Variants in MIDN observed in about 807,000 individuals in gnomAD.
MIDN encodes midbrain nucleolar protein.
In MIDN, 26 loss-of-function variants were observed where a neutral mutation model predicts 46.1. That is an observed-to-expected ratio of 0.56 (90% confidence interval 0.41 to 0.78). MIDN has a LOEUF of 0.78. Among genes scored for constraint, MIDN ranks in the 30% least tolerant of loss-of-function variants. The pLI is 0.00. For missense variants in MIDN, 850 were observed against 771.8 expected (o/e 1.10, Z -1.20); for synonymous variants, 432 against 343.3 (o/e 1.26, Z -2.86).
rs777305751 is a variant in MIDN at position 1,255,381 on chromosome 19, CTG to C, written c.986-38_986-37del. The C allele has an allele frequency of 2.4e-5, 37 of 1,539,364 alleles. No homozygotes were observed. In the South Asian group the frequency reaches 4.1e-4, roughly 17 times the overall value. The stretch of plus-strand genomic sequence containing the variant: ...GGACGCCCGTCCTGGACATGCGGGA[CTG>C]TGCCCGTGCCGGGCACTCACGGCCA... On this transcript the variant is annotated intron_variant, in intron 7 of 8. Coordinates refer to ENST00000682408, the MANE Select transcript of MIDN (RefSeq NM_001388306.1).
chr19:1,254,446 C>T lies in MIDN; in HGVS notation c.793C>T (p.Arg265Trp), dbSNP rs1339718301. 5 of 1,563,478 alleles carry T rather than the reference C, an allele frequency of 3.2e-6. No individual in the cohort carries two copies. The highest frequency in any genetic ancestry group is 1.3e-5 in the African/African-American group (1 of 74,252). Residue 265 changes from arginine (R) to tryptophan (W), a missense_variant, in exon 6 of 9, where the codon CGG (arginine) becomes TGG (tryptophan). Arg to Trp is a moderately radical substitution (Grantham distance 101, BLOSUM62 -3). Transcript: ENST00000682408. ...SPSPITAGSF[R>W]SHAASTTCPE... Reference sequence around the variant, plus strand: ...CTCGCCCATCACAGCCGGCTCCTTCCGGTCCCACGCAGCCTCCACCACCTG... The same window carrying T: ...CTCGCCCATCACAGCCGGCTCCTTCTGGTCCCACGCAGCCTCCACCACCTG...
rs377245188 is a variant in MIDN at position 1,254,377 on chromosome 19, G to A, written c.724G>A (p.Ala242Thr). ...GCCCTGCCGGCCGGTGTCCAGTGCC[G>A]CCCGAGTCCCCCCGGTGCCCACCAG... ...SSPCRPVSSAARVPPVPTSPS... is the reference protein window; with the variant it reads ...SSPCRPVSSATRVPPVPTSPS... Residue 242 changes from alanine to threonine, a missense_variant, in exon 6 of 9, where the codon GCC becomes ACC. Transcript: ENST00000682408. 1.7e-4 allele frequency: 258 copies of A among 1,561,142 alleles called. 2 individuals are homozygous for A. Among genetic ancestry groups the A allele is most frequent in the Admixed American group, 2.4e-4 (13 of 55,294 alleles).
rs555234198 is a variant in MIDN, at chr19:1,250,901, C to G, written c.233+372C>G. Among the ~76,000 whole-genome samples, 379 of 152,058 alleles carry G rather than the reference C, an allele frequency of 2.5e-3. 7 individuals are homozygous for G. Among genetic ancestry groups the G allele is most frequent in the Non-Finnish European group, 1.9e-3 (131 of 67,896 alleles). On this transcript the variant is annotated intron_variant, in intron 2 of 8. Transcript: ENST00000682408. ...CTCCTCTGCGTCTGGCTGTCTCCCC[C>G]CACTTGCGTCTCTCTCCCCCCCTTT...
chr19:1,257,498 CT>C lies in MIDN; in HGVS notation c.*228del. 1 of 506,598 alleles carries C rather than the reference CT, an allele frequency of 2.0e-6. No homozygotes were observed. 31.4% of individuals were successfully genotyped at this position (506,598 alleles called of 1,614,324 possible). ...GGCTTTGCTTCCTACCTCCTTCACC[CT>C]TCACTCCTGCCCTCCTCTTCCTCCT... On this transcript the variant is annotated 3_prime_UTR_variant, in exon 9 of 9. Coordinates refer to ENST00000682408, the MANE Select transcript of MIDN (RefSeq NM_001388306.1).
At chr19:1,252,058 C>G (rs367802043) in intron 4 of MIDN, among the ~76,000 whole-genome samples, 157 bp downstream of exon 4, 1 of 151,842 alleles carries the variant, frequency 6.6e-6, no homozygotes, top group Non-Finnish European at 1.5e-5. Flanking sequence ...GGCCTCCCCA[C>G]CTCCTCTCCC....
intron 4 of MIDN, among the ~76,000 whole-genome samples, chr19:1,253,342 A>AGGAGAGCCGGGAG (rs1373591627): frequency 6.6e-6 from 1 of 151,560 alleles, no homozygotes; most frequent in Non-Finnish European, 1.5e-5. Context: ...GCCAGTGGAG[A>AGGAGAGCCGGGAG]GGAGAGCCGG....
At chr19:1,256,836 C>T (rs892214940) in intron 8 of MIDN, among the ~76,000 whole-genome samples, 159 bp from the exon 9 acceptor site, 10 of 152,156 alleles carry the variant, frequency 6.6e-5, no homozygotes, top group African/African-American at 2.4e-4. Context: ...ACCACTGTGC[C>T]CGGCATGGTG....
intron 1 of MIDN, among the ~76,000 whole-genome samples, chr19:1,249,000 G>A (rs1482587531): frequency 1.3e-5 from 2 of 151,922 alleles, no homozygotes; most frequent in African/African-American, 4.8e-5. Flanking sequence ...CAGCCCAGTC[G>A]TCTTCCTCCC....
intron 4 of MIDN, among the ~76,000 whole-genome samples, chr19:1,252,779 G>A (rs1433520675): frequency 1.3e-5 from 2 of 152,066 alleles, no homozygotes; most frequent in African/African-American, 4.8e-5. Flanking sequence ...GTAGAGTCCT[G>A]CCCTTTCCCT....
rs2081233071 is a variant in MIDN, at chr19:1,258,808, A to T, written c.*1536A>T. The T allele has an allele frequency of 6.6e-6, 1 of 152,090 alleles. No individual in the cohort carries two copies. The highest frequency in any genetic ancestry group is 1.5e-5 in the Non-Finnish European group (1 of 68,002). The allele number at this position is 152,090 out of a possible 1,614,324, so 9.4% of individuals were successfully genotyped here. ...TCATTTTTCCAAAAAAAAAAGAAAA[A>T]AAAATAGAAAAAAAAGGAGTAAAAG... On this transcript the variant is annotated 3_prime_UTR_variant, in exon 9 of 9. Transcript: ENST00000682408.
chr19:1,251,776 C>A (rs2081131819), intron 3 of MIDN, 63 bp from the exon 4 acceptor site: 4 of 1,560,500 alleles, frequency 2.6e-6, no homozygotes, highest in African/African-American at 2.7e-5. Flanking sequence ...GCCCTCTCCA[C>A]CCCCTATTCC....
intron 4 of MIDN, 65 bp from the exon 5 acceptor site, chr19:1,253,889 T>C: frequency 7.5e-7 from 1 of 1,331,604 alleles, no homozygotes. Context: ...AGTTTCCCCT[T>C]GCAAGACCGA....
At chr19:1,254,113 G>A in intron 5 of MIDN, 31 bp downstream of exon 5, 1 of 1,553,116 alleles carries the variant, frequency 6.4e-7, no homozygotes. Context: ...GGCCGGGCTG[G>A]GCTGGGGGCG....
Position 1,251,495 on chromosome 19 carries a change from G to A in MIDN, c.234-67G>A, listed in dbSNP as rs989026377. ...CCCCACACAAGCACAGCCCTCCCCC[G>A]CGGCCTCTGCTTCCGCGTCCCTGTG... On this transcript the variant is annotated intron_variant, in intron 2 of 8. Coordinates refer to ENST00000682408, the MANE Select transcript of MIDN (RefSeq NM_001388306.1). 1.8e-5 allele frequency: 26 copies of A among 1,440,266 alleles called. No homozygotes were observed. The African/African-American group carries it at 3.7e-4, about 21-fold the overall frequency. 89.2% of individuals were successfully genotyped at this position (1,440,266 alleles called of 1,614,324 possible).
intron 2 of MIDN, 56 bp downstream of exon 2, chr19:1,250,585 G>A: frequency 1.0e-6 from 1 of 999,122 alleles, no homozygotes; most frequent in Non-Finnish European, 1.2e-6. Context: ...CCCCGGGCGG[G>A]AACAAAGAGC....
chr19:1,255,729 G>C, intron 8 of MIDN, 35 bp downstream of exon 8: 2 of 1,497,708 alleles, frequency 1.3e-6, no homozygotes, highest in Non-Finnish European at 1.8e-6. Flanking sequence ...TACCTTCCCC[G>C]CCCGCCTGGG....
At chr19:1,255,155 G>C (rs1290800313) in intron 7 of MIDN, 94 bp downstream of exon 7, 3 of 1,416,390 alleles carry the variant, frequency 2.1e-6, no homozygotes, top group Non-Finnish European at 2.9e-6. Context: ...CACATATTCT[G>C]GGCATACACA....
intron 1 of MIDN, among the ~76,000 whole-genome samples, chr19:1,249,192 G>A (rs1479544623): frequency 6.7e-6 from 1 of 148,332 alleles, no homozygotes; most frequent in Non-Finnish European, 1.5e-5. Context: ...GGTTCTGCCC[G>A]CGGCCGGCGG....
chr19:1,250,137 C>A lies in MIDN; in HGVS notation c.-160C>A, dbSNP rs1305887426. ...CCACTCGGATTTTGGATTTCGGTCT[C>A]GCATTCCGCGGCCGGGACTTTCTCG... On this transcript the variant is annotated 5_prime_UTR_variant, in exon 2 of 9. Coordinates refer to ENST00000682408, the MANE Select transcript of MIDN (RefSeq NM_001388306.1). 3 of 175,116 alleles carry A rather than the reference C, an allele frequency of 1.7e-5. No individual in the cohort carries two copies. The highest frequency in any genetic ancestry group is 2.2e-5 in the Non-Finnish European group (2 of 89,264). The allele number at this position is 175,116 out of a possible 1,614,324, so 10.8% of individuals were successfully genotyped here. A position where few individuals can be genotyped will look rare whatever the true frequency, so the allele number is the denominator to read the frequency against.
Sources: gnomAD v4.1 joint callset for allele counts (sites outside exome capture counted in the v4.1 genomes callset) on GRCh38, gnomAD v4.1.1 for gene constraint, MANE v1.5 for transcripts, NCBI Gene and HGNC (gene_info 2026-07-23, HGNC 2026-07-21) for gene names.